RTF2: variants seen among roughly 807,000 people sequenced by gnomAD.
RTF2 encodes the protein UPF0549 protein C20orf43.
A neutral mutation model predicts 38.0 loss-of-function variants in RTF2; 18 were observed. The ratio of observed to expected loss-of-function variants is 0.47; its 90% CI spans 0.33 to 0.70. The LOEUF (loss-of-function observed/expected upper bound fraction) is 0.70, where lower values mean the gene tolerates loss of function less well. RTF2 is among the 30% of genes least tolerant of loss of function. The pLI is 0.02. For missense variants in RTF2, 311 were observed against 379.6 expected (o/e 0.82, Z 1.50); for synonymous variants, 126 against 137.1 (o/e 0.92, Z 0.57).
intron 6 of RTF2, chr20:56,515,575 CAGAG>C (rs58977063): frequency 0.023 from 2,976 of 130,008 alleles, 42 homozygotes; most frequent in East Asian, 0.045. Flanking sequence ...CTGTCTCAGA[CAGAG>C]AGAGAGAGAG....
rs11482055 is a variant in RTF2 at position 56,472,576 on chromosome 20, TA to T, written c.70-715del. ...ATTATGTAGTCTTTGTTCTGAACTT[TA>T]AAAAAAAAATGCTTGTCTTCTCAGT... On this transcript the variant is annotated intron_variant, in intron 1 of 8. Transcript: ENST00000357348. Among the ~76,000 whole-genome samples the T allele has an allele frequency of 1.1e-4, 16 of 150,562 alleles. 1 individual carries two copies. The highest frequency in any genetic ancestry group is 1.9e-4 in the East Asian group (1 of 5,156).
chr20:56,473,508 G>A (rs958583926), intron 2 of RTF2, 113 bp downstream of exon 2: 1 of 704,862 alleles, frequency 1.4e-6, no homozygotes, highest in South Asian at 1.6e-5. Flanking sequence ...AAATTTGTGA[G>A]GCATAGGCTG....
At chr20:56,484,884 A>G (rs533946348) in intron 5 of RTF2, among the ~76,000 whole-genome samples, 1 of 46,342 alleles carries the variant, frequency 2.2e-5, no homozygotes, top group East Asian at 0.014. Flanking sequence ...GCAGCTTCTG[A>G]CTGTATTTTC....
intron 5 of RTF2, among the ~76,000 whole-genome samples, chr20:56,487,210 G>C (rs891622419): frequency 1.3e-5 from 2 of 152,158 alleles, no homozygotes; most frequent in Admixed American, 6.5e-5. Context: ...AAACCTCACT[G>C]TCTGCCGAGC....
intron 1 of RTF2, among the ~76,000 whole-genome samples, chr20:56,469,930 C>T (rs1345697265): frequency 6.6e-6 from 1 of 152,164 alleles, no homozygotes; most frequent in Non-Finnish European, 1.5e-5. Context: ...GTTTTTTACT[C>T]AAATGTCATC....
intron 1 of RTF2, among the ~76,000 whole-genome samples, chr20:56,469,634 T>C (rs1171294775): frequency 6.6e-6 from 1 of 152,218 alleles, no homozygotes; most frequent in Non-Finnish European, 1.5e-5. Context: ...GGAGACTTCA[T>C]GTATTCTGAT....
intron 5 of RTF2, among the ~76,000 whole-genome samples, chr20:56,490,710 G>A (rs953776919): frequency 2.6e-5 from 4 of 152,156 alleles, no homozygotes; most frequent in African/African-American, 7.2e-5. Flanking sequence ...CCAGCTAGTC[G>A]GCAGGCTAAG....
intron 5 of RTF2, among the ~76,000 whole-genome samples, chr20:56,490,771 C>T (rs978681185): frequency 4.6e-5 from 7 of 152,202 alleles, no homozygotes; most frequent in African/African-American, 1.7e-4. Context: ...GAGCCGAGAT[C>T]GTGCCATTGC....
chr20:56,483,231 C>T (rs1400557062), intron 4 of RTF2, among the ~76,000 whole-genome samples: 1 of 152,144 alleles, frequency 6.6e-6, no homozygotes, highest in Non-Finnish European at 1.5e-5. Context: ...TTAAAAGTCA[C>T]ACTTTACTTG....
Position 56,516,851 on chromosome 20 carries a change from G to T in RTF2, c.592-84G>T, listed in dbSNP as rs919572808. On this transcript the variant is annotated intron_variant, in intron 6 of 8. Transcript: ENST00000357348. Reference sequence around the variant, plus strand: ...GACTAGCATCGGTCAGTCAGACAGGGCACCCGGGACAATGGGCAGCCACAC... The same window carrying T: ...GACTAGCATCGGTCAGTCAGACAGGTCACCCGGGACAATGGGCAGCCACAC... The T allele has an allele frequency of 4.7e-6, 6 of 1,269,562 alleles. No individual in the cohort carries two copies. The African/African-American group carries it at 8.9e-5, about 19-fold the overall frequency. The allele number at this position is 1,269,562 out of a possible 1,614,324, so 78.6% of individuals were successfully genotyped here.
chr20:56,483,111 A>C (rs1982609497), intron 4 of RTF2, among the ~76,000 whole-genome samples: 1 of 152,174 alleles, frequency 6.6e-6, no homozygotes, highest in African/African-American at 2.4e-5. Context: ...ACTGAGGAAC[A>C]TGTAGGTGGC....
chr20:56,507,800 C>T (rs1258385516), intron 5 of RTF2, among the ~76,000 whole-genome samples: 1 of 152,210 alleles, frequency 6.6e-6, no homozygotes, highest in Non-Finnish European at 1.5e-5. Flanking sequence ...CTCCAGGCCC[C>T]ACTGGGCCTT....
At chr20:56,477,719 T>C (rs751950711) in intron 4 of RTF2, among the ~76,000 whole-genome samples, 7 of 152,160 alleles carry the variant, frequency 4.6e-5, no homozygotes, top group Non-Finnish European at 1.0e-4. Flanking sequence ...GGTCTCCCTA[T>C]GTTGCCCAGG....
At chr20:56,496,212 C>A (rs1195977004) in intron 5 of RTF2, among the ~76,000 whole-genome samples, 3 of 152,086 alleles carry the variant, frequency 2.0e-5, no homozygotes, top group African/African-American at 7.2e-5. Flanking sequence ...ATTTACAAGG[C>A]CAAAGAAACA....
chr20:56,484,306 G>A, intron 5 of RTF2, 117 bp downstream of exon 5: 1 of 836,868 alleles, frequency 1.2e-6, no homozygotes, highest in Non-Finnish European at 2.0e-6. Context: ...TTGCTTTTCT[G>A]CTTCCATGGC....
At chr20:56,504,943 A>G (rs951201572) in intron 5 of RTF2, among the ~76,000 whole-genome samples, 7 of 152,206 alleles carry the variant, frequency 4.6e-5, no homozygotes, top group Non-Finnish European at 1.0e-4. Context: ...AGCACAGAGT[A>G]TTAGAAAAAC....
rs368173775 is a variant in RTF2 at position 56,496,708 on chromosome 20, T to A, written c.477+12519T>A. 3.5e-5 allele frequency: 55 copies of A among 1,551,522 alleles called. No homozygotes were observed. The African/African-American group carries it at 7.3e-4, about 20-fold the overall frequency. On this transcript the variant is annotated intron_variant, in intron 5 of 8. Transcript: ENST00000357348. ...CGGATGTCTTTGGACCACTGAAGCA[T>A]GTCTTTTGCATGGATGTCAGTCAGT...
intron 5 of RTF2, among the ~76,000 whole-genome samples, chr20:56,490,477 C>G (rs1403183800): frequency 6.6e-6 from 1 of 152,206 alleles, no homozygotes; most frequent in Non-Finnish European, 1.5e-5. Context: ...TGTCTCAGAT[C>G]TGTGCTGTTC....
chr20:56,503,250 T>C (rs1184469741), intron 5 of RTF2, among the ~76,000 whole-genome samples: 1 of 152,228 alleles, frequency 6.6e-6, no homozygotes, highest in African/African-American at 2.4e-5. Flanking sequence ...AAATTTTGAA[T>C]TCAAAAGCTG....
Sources: gnomAD v4.1 joint callset for allele counts (sites outside exome capture counted in the v4.1 genomes callset) on GRCh38, gnomAD v4.1.1 for gene constraint, MANE v1.5 for transcripts, NCBI Gene and HGNC (gene_info 2026-07-23, HGNC 2026-07-21) for gene names.